LYPD3: variants seen among roughly 807,000 people sequenced by gnomAD.
LYPD3 encodes ly6/PLAUR domain-containing protein 3.
In LYPD3, 22 loss-of-function variants were observed where a neutral mutation model predicts 21.7. The ratio of observed to expected loss-of-function variants is 1.01; its 90% CI spans 0.72 to 1.45. LYPD3 has a LOEUF of 1.45. LYPD3 is among the 40% of genes most tolerant of loss of function. LYPD3 has a pLI of 0.00. For synonymous variants in LYPD3, 179 were observed against 203.0 expected (o/e 0.88, Z 1.00); for missense variants, 471 against 466.9 (o/e 1.01, Z -0.08).
intron 2 of LYPD3, chr19:43,464,118 G>A: frequency 1.3e-6 from 1 of 750,254 alleles, no homozygotes; most frequent in Non-Finnish European, 2.1e-6. Flanking sequence ...GCCCCACCCA[G>A]TTCTCAACTC....
intron 3 of LYPD3, 88 bp from the exon 4 acceptor site, chr19:43,463,375 C>A (rs1264408869): frequency 1.3e-6 from 2 of 1,487,002 alleles, no homozygotes; most frequent in Non-Finnish European, 1.8e-6. Context: ...AGGCCTGGCC[C>A]CGGCACTATC....
Position 43,461,807 on chromosome 19 carries a change from C to T in LYPD3, c.585G>A (p.Gln195=), listed in dbSNP as rs533131374. 6.2e-7 allele frequency: 1 copy of T among 1,613,810 alleles called. No homozygotes were observed. Among genetic ancestry groups the T allele is most frequent in the East Asian group, 2.2e-5 (1 of 44,854 alleles). ...TVSLPVRGCV[Q]DEFCTRDGVT... ...CTCCATCCCGAGTGCAGAATTCATCCTGGACACAGCCCCGGACAGGCAAGG... is the reference window on the plus strand; with the variant it reads ...CTCCATCCCGAGTGCAGAATTCATCTTGGACACAGCCCCGGACAGGCAAGG... Residue 195 remains glutamine (Q), a synonymous_variant, in exon 5 of 5, where the codon CAG becomes CAA. Coordinates refer to ENST00000244333, the MANE Select transcript of LYPD3 (RefSeq NM_014400.3).
At chr19:43,462,492 T>A (rs1405559789) in intron 4 of LYPD3, among the ~76,000 whole-genome samples, 1 of 152,046 alleles carries the variant, frequency 6.6e-6, no homozygotes, top group Non-Finnish European at 1.5e-5. Flanking sequence ...AAGACCCCAC[T>A]GTTACCAAAA....
At chr19:43,462,136 A>G (rs1330162656) in intron 4 of LYPD3, among the ~76,000 whole-genome samples, 7 of 152,190 alleles carry the variant, frequency 4.6e-5, no homozygotes, top group African/African-American at 1.7e-4. Context: ...AGAAACAGAC[A>G]GACTCACTGT....
chr19:43,464,934 C>CTTTTTTTTTT (rs34393417), intron 1 of LYPD3, among the ~76,000 whole-genome samples: 1 of 62,800 alleles, frequency 1.6e-5, no homozygotes. Flanking sequence ...TTCTTTTTTT[C>CTTTTTTTTTT]TTTTTTTTTT....
At chr19:43,464,269 G>T in intron 2 of LYPD3, 56 bp downstream of exon 2, 2 of 1,548,540 alleles carry the variant, frequency 1.3e-6, no homozygotes, top group African/African-American at 1.4e-5. Flanking sequence ...ATAAGGAGGC[G>T]GGGCTGGGCC....
At chr19:43,463,979 G>A (rs1970799634) in intron 2 of LYPD3, 6 of 637,134 alleles carry the variant, frequency 9.4e-6, no homozygotes, top group Non-Finnish European at 1.6e-5. Flanking sequence ...ACGGAACGGG[G>A]GCGGAACCTC....
Position 43,463,222 on chromosome 19 carries a change from C to T in LYPD3, c.448G>A (p.Ala150Thr), listed in dbSNP as rs1435844839. 1.2e-6 allele frequency: 2 copies of T among 1,608,844 alleles called. No homozygotes were observed. The highest frequency in any genetic ancestry group is 1.6e-4 in the Middle Eastern group (1 of 6,062). Reference protein sequence around the residue: ...CYSCVGLSREACQGTSPPVVS... With the variant: ...CYSCVGLSRETCQGTSPPVVS... ...ACCGGCGGCGATGTACCCTGGCACG[C>T]CTCCCGGCTCAGGCCCACACAGCTG... The change falls in exon 4 of 5, where the codon GCG (alanine) becomes ACG (threonine). Residue 150 changes from alanine to threonine, a missense_variant. Transcript: ENST00000244333.
chr19:43,464,390 A>C lies in LYPD3; in HGVS notation c.146T>G (p.Met49Arg). ...GCCCGGCGCGCACTTCACTGTCTTCATCTTGTTCGGGGAGCATCCGTCATC... is the reference window on the plus strand; with the variant it reads ...GCCCGGCGCGCACTTCACTGTCTTCCTCTTGTTCGGGGAGCATCCGTCATC... ...KADDGCSPNK[M>R]KTVKCAPGVD... The change falls in exon 2 of 5, where the codon ATG becomes AGG. Residue 49 changes from methionine to arginine, a missense_variant. Coordinates refer to ENST00000244333, the MANE Select transcript of LYPD3 (RefSeq NM_014400.3). The C allele has an allele frequency of 6.2e-7, 1 of 1,614,042 alleles. No individual in the cohort carries two copies. Among genetic ancestry groups the C allele is most frequent in the Non-Finnish European group, 8.5e-7 (1 of 1,180,006 alleles).
chr19:43,463,926 G>T, intron 2 of LYPD3, 157 bp from the exon 3 acceptor site: 1 of 769,758 alleles, frequency 1.3e-6, no homozygotes. Flanking sequence ...CCAAAGAGCC[G>T]CTCAGAGCGG....
rs148020497 is a variant in LYPD3, at chr19:43,462,176, A to G, written c.545-329T>C. 6.8e-4 allele frequency among the ~76,000 whole-genome samples: 103 copies of G among 152,316 alleles called. No individual in the cohort carries two copies. In the South Asian group the frequency reaches 9.9e-3, roughly 15 times the overall value. Reference sequence around the variant, plus strand: ...GGCACATGGTGGATTAACATTTTCCATTGTGCTTTGAATGGAAATGTGTGT... The same window carrying G: ...GGCACATGGTGGATTAACATTTTCCGTTGTGCTTTGAATGGAAATGTGTGT... On this transcript the variant is annotated intron_variant, in intron 4 of 4. Coordinates refer to ENST00000244333, the MANE Select transcript of LYPD3 (RefSeq NM_014400.3).
intron 4 of LYPD3, 71 bp downstream of exon 4, chr19:43,463,055 C>T (rs1208056091): frequency 1.6e-5 from 25 of 1,552,002 alleles, no homozygotes; most frequent in South Asian, 4.5e-5. Context: ...GTAAAGGGCT[C>T]CCTACCGCCC....
intron 1 of LYPD3, 22 bp from the exon 2 acceptor site, chr19:43,464,478 G>A (rs780402474): frequency 3.1e-6 from 5 of 1,613,634 alleles, no homozygotes; most frequent in Non-Finnish European, 4.2e-6. Context: ...GAGCCGAATA[G>A]ACCTGAGCCC....
Position 43,463,673 on chromosome 19 carries a change from A to G in LYPD3, c.308T>C (p.Ile103Thr). The change falls in exon 3 of 5, where the codon ATC (isoleucine) becomes ACC (threonine). Residue 103 changes from isoleucine (I) to threonine (T), a missense_variant. Physicochemically the swap from Ile to Thr is moderately conservative, Grantham distance 89. Transcript: ENST00000244333. The part of the protein sequence containing the change: ...GLDLHGLLAF[I>T]QLQQCAQDRC... The stretch of plus-strand genomic sequence containing the variant: ...ATCCTGAGCGCATTGCTGCAGCTGG[A>G]TGAACGCCAGAAGCCCGTGAAGATC... The G allele has an allele frequency of 5.6e-6, 9 of 1,610,842 alleles. No individual in the cohort carries two copies. Among genetic ancestry groups the G allele is most frequent in the Non-Finnish European group, 7.6e-6 (9 of 1,180,022 alleles).
At position 43,465,529 on chromosome 19, in the gene LYPD3, T is replaced by G; in HGVS notation, c.43A>C (p.Thr15Pro). ...RKAGAQAMIWTAGWLLLLLLR... is the reference protein window; with the variant it reads ...RKAGAQAMIWPAGWLLLLLLR... ...AGCAGCAGCAGCAGCCAGCCTGCAG[T>G]CCAGATCATGGCCTGGGCACCTGCT... Residue 15 changes from threonine (T) to proline (P), a missense_variant, in exon 1 of 5, where the codon ACT becomes CCT. Thr to Pro is a conservative substitution (Grantham distance 38). Transcript: ENST00000244333. 6.2e-7 allele frequency: 1 copy of G among 1,610,594 alleles called. No individual in the cohort carries two copies. Among genetic ancestry groups the G allele is most frequent in the South Asian group, 1.1e-5 (1 of 91,084 alleles).
intron 4 of LYPD3, among the ~76,000 whole-genome samples, 189 bp from the exon 5 acceptor site, chr19:43,462,036 C>CAA (rs35056869): frequency 1.6e-4 from 22 of 141,604 alleles, no homozygotes; most frequent in African/African-American, 5.2e-4. Context: ...CTCTGTCTTG[C>CAA]AAAAAAAAAA....
chr19:43,464,539 C>T (rs559236834), intron 1 of LYPD3, 83 bp from the exon 2 acceptor site: 18 of 1,568,950 alleles, frequency 1.1e-5, no homozygotes, highest in Non-Finnish European at 1.6e-5. Flanking sequence ...CCCATGCCCT[C>T]TGTCCCGGGA....
chr19:43,461,733 C>T lies in LYPD3; in HGVS notation c.659G>A (p.Arg220His), dbSNP rs760025736. The T allele has an allele frequency of 3.7e-6, 6 of 1,614,072 alleles. No homozygotes were observed. Among genetic ancestry groups the T allele is most frequent in the East Asian group, 4.5e-5 (2 of 44,870 alleles). Residue 220 changes from arginine (R) to histidine (H), a missense_variant, in exon 5 of 5, where the codon CGC becomes CAC. Coordinates refer to ENST00000244333, the MANE Select transcript of LYPD3 (RefSeq NM_014400.3). ...CTTGTTGCGGAGGTCAGAGTTACAG[C>T]GGGACCCCTGGCAACAGGAGCCACT... The part of the protein sequence containing the change: ...TLSGSCCQGS[R>H]CNSDLRNKTY...
intron 4 of LYPD3, among the ~76,000 whole-genome samples, chr19:43,462,464 C>T (rs533407678): frequency 2.6e-5 from 4 of 152,204 alleles, no homozygotes; most frequent in African/African-American, 9.6e-5. Context: ...AGTTCAATAC[C>T]AGCCTGGGTA....
Sources: gnomAD v4.1 joint callset for allele counts (sites outside exome capture counted in the v4.1 genomes callset) on GRCh38, gnomAD v4.1.1 for gene constraint, MANE v1.5 for transcripts, NCBI Gene and HGNC (gene_info 2026-07-23, HGNC 2026-07-21) for gene names.